Variants in DCLK2 observed in about 807,000 individuals in gnomAD.
The protein encoded by DCLK2 is doublecortin like kinase 2.
DCLK2 carries 31 observed loss-of-function variants against 78.4 expected under a neutral mutation model. That is an observed-to-expected ratio of 0.40 (90% CI 0.30 to 0.53). The LOEUF is 0.53. DCLK2 is among the 20% of genes least tolerant of loss of function. The pLI is 0.61. For missense variants in DCLK2, 872 were observed against 973.7 expected (o/e 0.90, Z 1.39); for synonymous variants, 407 against 374.9 (o/e 1.09, Z -0.99).
At chr4:150,209,368 T>A (rs1740121010) in intron 5 of DCLK2, among the ~76,000 whole-genome samples, 1 of 152,208 alleles carries the variant, frequency 6.6e-6, no homozygotes, top group African/African-American at 2.4e-5. Context: ...GCCAGGAACA[T>A]GGGGAGCCCT....
At chr4:150,099,871 A>G (rs928592666) in intron 1 of DCLK2, among the ~76,000 whole-genome samples, 3 of 152,186 alleles carry the variant, frequency 2.0e-5, no homozygotes, top group Admixed American at 1.3e-4. Context: ...AGCCTGCCTC[A>G]AAACTTTAAT....
At chr4:150,125,819 A>G (rs1342261309) in intron 2 of DCLK2, among the ~76,000 whole-genome samples, 1 of 152,028 alleles carries the variant, frequency 6.6e-6, no homozygotes, top group African/African-American at 2.4e-5. Context: ...TGAACCCGGG[A>G]GGCGGAGGTT....
At chr4:150,098,281 A>G (rs1346970758) in intron 1 of DCLK2, among the ~76,000 whole-genome samples, 1 of 152,112 alleles carries the variant, frequency 6.6e-6, no homozygotes, top group Non-Finnish European at 1.5e-5. Context: ...GGTATTGTGG[A>G]TTGCACAGTG....
At chr4:150,162,796 T>C (rs1255670238) in intron 2 of DCLK2, among the ~76,000 whole-genome samples, 1 of 152,134 alleles carries the variant, frequency 6.6e-6, no homozygotes, top group Non-Finnish European at 1.5e-5. Flanking sequence ...AAGGCCTTCC[T>C]TGCTGTACGT....
At chr4:150,096,181 C>T (rs12503886) in intron 1 of DCLK2, among the ~76,000 whole-genome samples, 3 of 151,934 alleles carry the variant, frequency 2.0e-5, no homozygotes, top group Non-Finnish European at 4.4e-5. Flanking sequence ...CAAAGTCAAC[C>T]GTTCTGCCAA....
rs76065434 is a variant in DCLK2, at chr4:150,182,555, A to T, written c.757-10583A>T. Among the ~76,000 whole-genome samples the T allele has an allele frequency of 7.4e-4, 112 of 152,328 alleles. No individual in the cohort carries two copies. In the East Asian group the frequency reaches 0.019, roughly 25 times the overall value. On this transcript the variant is annotated intron_variant, in intron 2 of 15. Coordinates refer to ENST00000296550, the MANE Select transcript of DCLK2 (RefSeq NM_001040260.4). ...AATGATAATGGCTCAGGCAGATCTT[A>T]GGTCATCGTTTATTGCATGTTAACG...
chr4:150,188,443 A>C (rs1738122087), intron 2 of DCLK2, among the ~76,000 whole-genome samples: 1 of 151,912 alleles, frequency 6.6e-6, no homozygotes, highest in East Asian at 2.0e-4. Flanking sequence ...ACTCCAGCCA[A>C]GGCAACAGAA....
At chr4:150,191,737 A>G (rs1580685890) in intron 2 of DCLK2, among the ~76,000 whole-genome samples, 1 of 152,230 alleles carries the variant, frequency 6.6e-6, no homozygotes, top group East Asian at 1.9e-4. Flanking sequence ...CTGTCTGTGC[A>G]GTCAACTTCT....
chr4:150,079,828 C>T (rs1729116361), intron 1 of DCLK2, among the ~76,000 whole-genome samples: 1 of 152,206 alleles, frequency 6.6e-6, no homozygotes, highest in Admixed American at 6.5e-5. Context: ...GGTGTGGACC[C>T]TGGTGCAGGC....
chr4:150,189,175 C>A (rs1024409839), intron 2 of DCLK2, among the ~76,000 whole-genome samples: 2 of 150,630 alleles, frequency 1.3e-5, no homozygotes, highest in African/African-American at 2.4e-5. Context: ...AAATTAATTG[C>A]AAAAAATGCA....
chr4:150,240,097 G>A (rs530339258), intron 11 of DCLK2, among the ~76,000 whole-genome samples: 3 of 152,098 alleles, frequency 2.0e-5, no homozygotes, highest in Non-Finnish European at 4.4e-5. Context: ...AGAGTCTGTT[G>A]CCTGCACCAT....
intron 14 of DCLK2, 47 bp from the exon 15 acceptor site, chr4:150,249,521 C>T (rs201702078): frequency 2.2e-4 from 346 of 1,544,730 alleles, no homozygotes; most frequent in Non-Finnish European, 2.7e-4. Context: ...ACAACTCAAA[C>T]GGGAGGATGG....
At chr4:150,163,116 G>A (rs113198038) in intron 2 of DCLK2, among the ~76,000 whole-genome samples, 3,202 of 152,234 alleles carry the variant, frequency 0.021, 113 homozygotes, top group African/African-American at 0.073. Flanking sequence ...AGTCATTTAA[G>A]GCTGGGCTCG....
At chr4:150,212,953 G>C (rs547539542) in intron 5 of DCLK2, among the ~76,000 whole-genome samples, 1 of 152,182 alleles carries the variant, frequency 6.6e-6, no homozygotes, top group Non-Finnish European at 1.5e-5. Flanking sequence ...TATAACAGAA[G>C]AGGCAGACAC....
At chr4:150,080,096 T>TCTGGAGTC (rs1729134256) in intron 1 of DCLK2, among the ~76,000 whole-genome samples, 2 of 147,510 alleles carry the variant, frequency 1.4e-5, no homozygotes, top group African/African-American at 2.5e-5. Context: ...GGGTTAGGCG[T>TCTGGAGTC]CTGGAGTCTC....
chr4:150,118,881 G>A (rs1432126589), intron 2 of DCLK2, among the ~76,000 whole-genome samples: 1 of 152,042 alleles, frequency 6.6e-6, no homozygotes, highest in African/African-American at 2.4e-5. Context: ...AAAATTAGCT[G>A]GGCATGGTGG....
chr4:150,105,656 A>G (rs902920644), intron 2 of DCLK2, among the ~76,000 whole-genome samples: 1 of 152,078 alleles, frequency 6.6e-6, no homozygotes, highest in Non-Finnish European at 1.5e-5. Context: ...AAACATAATT[A>G]CACATAAAAA....
Position 150,257,005 on chromosome 4 carries a change from G to A in DCLK2, c.*758G>A, listed in dbSNP as rs1179602254. The A allele has an allele frequency of 6.6e-6, 1 of 152,286 alleles. No homozygotes were observed. The highest frequency in any genetic ancestry group is 1.5e-5 in the Non-Finnish European group (1 of 68,080). The allele number at this position is 152,286 out of a possible 1,614,324, so 9.4% of individuals were successfully genotyped here. Reference sequence around the variant, plus strand: ...CCCAGCTCTTCCCACACGTGTGTTAGGAAATGCCCGTGAACTTGCCCTCTG... The same window carrying A: ...CCCAGCTCTTCCCACACGTGTGTTAAGAAATGCCCGTGAACTTGCCCTCTG... On this transcript the variant is annotated 3_prime_UTR_variant, in exon 16 of 16. Coordinates refer to ENST00000296550, the MANE Select transcript of DCLK2 (RefSeq NM_001040260.4).
intron 1 of DCLK2, among the ~76,000 whole-genome samples, chr4:150,087,120 T>C (rs1240992593): frequency 6.6e-6 from 1 of 152,120 alleles, no homozygotes; most frequent in Admixed American, 6.5e-5. Flanking sequence ...TGCCGTGTTT[T>C]CAACAGCCTA....
Sources: allele counts gnomAD v4.1 joint callset (sites outside exome capture counted in the v4.1 genomes callset), GRCh38; gene constraint gnomAD v4.1.1; transcripts MANE v1.5; gene names NCBI Gene and HGNC (gene_info 2026-07-23, HGNC 2026-07-21).